Variants in CDYL2 observed in about 807,000 individuals in gnomAD.
CDYL2 encodes the protein chromodomain Y like 2, also known as chromodomain Y-like protein 2.
A neutral mutation model predicts 49.4 loss-of-function variants in CDYL2; 23 were observed. The ratio of observed to expected loss-of-function variants is 0.47; its 90% CI spans 0.34 to 0.66. CDYL2 has a LOEUF of 0.66. CDYL2 is among the 30% of genes least tolerant of loss of function. CDYL2 has a pLI of 0.01. For missense variants in CDYL2, 678 were observed against 656.4 expected, an observed-to-expected ratio of 1.03 and a Z score of -0.36; for synonymous variants, 360 against 268.8, an observed-to-expected ratio of 1.34 and a Z score of -3.32.
chr16:80,768,461 T>C (rs150322184), intron 1 of CDYL2, among the ~76,000 whole-genome samples: 2,165 of 152,308 alleles, frequency 0.014, 54 homozygotes, highest in African/African-American at 0.049. Context: ...TACTCACAGT[T>C]CTAGAGGCTG....
intron 1 of CDYL2, among the ~76,000 whole-genome samples, chr16:80,719,003 CT>C (rs1383008540): frequency 6.6e-6 from 1 of 152,198 alleles, no homozygotes; most frequent in South Asian, 2.1e-4. Flanking sequence ...GGCATGAATA[CT>C]GGGCTTGACG....
At chr16:80,619,829 C>T (rs550319759) in intron 4 of CDYL2, among the ~76,000 whole-genome samples, 19 of 152,260 alleles carry the variant, frequency 1.2e-4, no homozygotes, top group East Asian at 1.9e-4. Context: ...CACACAAGAG[C>T]ATCCTAGCAT....
At chr16:80,789,135 T>G (rs1313920152) in intron 1 of CDYL2, among the ~76,000 whole-genome samples, 1 of 152,134 alleles carries the variant, frequency 6.6e-6, no homozygotes, top group African/African-American at 2.4e-5. Flanking sequence ...AGAGTTGGCT[T>G]GGTTGTGGAG....
intron 3 of CDYL2, among the ~76,000 whole-genome samples, chr16:80,621,714 CA>C (rs1319726934): frequency 6.6e-6 from 1 of 152,194 alleles, no homozygotes; most frequent in Non-Finnish European, 1.5e-5. Flanking sequence ...GTAAAGGTGC[CA>C]TCTGACATGG....
At chr16:80,663,052 AG>A (rs1390152365) in intron 2 of CDYL2, among the ~76,000 whole-genome samples, 4 of 149,226 alleles carry the variant, frequency 2.7e-5, no homozygotes, top group Admixed American at 2.0e-4. Context: ...CAAAAGACAT[AG>A]GGGAAAAAAG....
rs1906010772 is a variant in CDYL2, at chr16:80,599,983, G to T, written c.*4405C>A. ...CCATCAGCATGGCTTACGTTGCATG[G>T]AGGAAACAACCCGTATTACCCTTTT... On this transcript the variant is annotated 3_prime_UTR_variant, in exon 7 of 7. Transcript: ENST00000570137. 6.6e-6 allele frequency: 1 copy of T among 152,148 alleles called. No individual in the cohort carries two copies. The highest frequency in any genetic ancestry group is 2.4e-5 in the African/African-American group (1 of 41,424). 9.4% of individuals were successfully genotyped at this position (152,148 alleles called of 1,614,324 possible).
intron 1 of CDYL2, among the ~76,000 whole-genome samples, chr16:80,794,188 C>G (rs941875711): frequency 6.6e-6 from 1 of 152,160 alleles, no homozygotes; most frequent in African/African-American, 2.4e-5. Context: ...GCAACACTAC[C>G]TTTAATACAA....
intron 1 of CDYL2, among the ~76,000 whole-genome samples, chr16:80,711,260 G>A (rs541723974): frequency 1.6e-4 from 24 of 152,178 alleles, no homozygotes; most frequent in Non-Finnish European, 3.2e-4. Context: ...GCATTTTCAC[G>A]TTAACAAAAT....
intron 1 of CDYL2, among the ~76,000 whole-genome samples, chr16:80,700,796 G>C (rs1281916830): frequency 6.6e-6 from 1 of 152,220 alleles, no homozygotes; most frequent in Non-Finnish European, 1.5e-5. Flanking sequence ...ATAGTACATA[G>C]GTTCACATCA....
At chr16:80,615,952 T>C (rs1292226056) in intron 4 of CDYL2, among the ~76,000 whole-genome samples, 1 of 152,218 alleles carries the variant, frequency 6.6e-6, no homozygotes, top group African/African-American at 2.4e-5. Flanking sequence ...GCAGCTCCGA[T>C]ATCTGATCCT....
At chr16:80,680,703 A>C (rs908440967) in intron 2 of CDYL2, among the ~76,000 whole-genome samples, 2 of 152,210 alleles carry the variant, frequency 1.3e-5, no homozygotes, top group Admixed American at 6.5e-5. Context: ...ATTCCTTCTC[A>C]CAAGCTTCAA....
intron 1 of CDYL2, among the ~76,000 whole-genome samples, chr16:80,702,183 A>AACACGCAC: frequency 7.0e-6 from 1 of 142,866 alleles, no homozygotes; most frequent in African/African-American, 2.6e-5. Flanking sequence ...GAAGGCCTAA[A>AACACGCAC]ACACACACAC....
At chr16:80,672,715 C>G (rs1909580627) in intron 2 of CDYL2, among the ~76,000 whole-genome samples, 2 of 152,156 alleles carry the variant, frequency 1.3e-5, no homozygotes. Flanking sequence ...GTAAAGCCTC[C>G]ATTTCTTTAT....
intron 1 of CDYL2, among the ~76,000 whole-genome samples, chr16:80,801,070 G>T (rs1907912979): frequency 1.3e-5 from 2 of 152,188 alleles, no homozygotes; most frequent in Admixed American, 6.5e-5. Context: ...ATGCAGCCTA[G>T]ACCTGGCTCA....
chr16:80,757,915 T>C (rs189274378), intron 1 of CDYL2, among the ~76,000 whole-genome samples: 147 of 152,262 alleles, frequency 9.7e-4, no homozygotes, highest in South Asian at 1.9e-3. Context: ...TTATTTTACT[T>C]AAAAATTGAC....
At chr16:80,739,260 T>C (rs1009017503) in intron 1 of CDYL2, among the ~76,000 whole-genome samples, 1 of 151,858 alleles carries the variant, frequency 6.6e-6, no homozygotes, top group South Asian at 2.1e-4. Context: ...AAGGGGAGAA[T>C]GTGGGATTAG....
intron 1 of CDYL2, among the ~76,000 whole-genome samples, chr16:80,756,987 T>C (rs1204752756): frequency 6.6e-6 from 1 of 152,150 alleles, no homozygotes; most frequent in Non-Finnish European, 1.5e-5. Context: ...GCCAACATCA[T>C]ACTTATGGTG....
intron 2 of CDYL2, among the ~76,000 whole-genome samples, chr16:80,667,078 T>C (rs1909297734): frequency 6.6e-6 from 1 of 152,196 alleles, no homozygotes; most frequent in Non-Finnish European, 1.5e-5. Flanking sequence ...AACTGAGCTA[T>C]GCTGGCAGTC....
chr16:80,752,113 TTAATC>T (rs1906157911), intron 1 of CDYL2, among the ~76,000 whole-genome samples: 1 of 140,772 alleles, frequency 7.1e-6, no homozygotes, highest in Non-Finnish European at 1.6e-5. Context: ...CAAAGCGAAA[TTAATC>T]TAAAACCAAA....
Sources: gnomAD v4.1 joint callset for allele counts (sites outside exome capture counted in the v4.1 genomes callset) on GRCh38, gnomAD v4.1.1 for gene constraint, MANE v1.5 for transcripts, NCBI Gene and HGNC (gene_info 2026-07-23, HGNC 2026-07-21) for gene names.